SNX3: variants seen among roughly 807,000 people sequenced by gnomAD.
SNX3 encodes sorting nexin 3, also known as sorting nexin-3.
In SNX3, 5 loss-of-function variants were observed where a neutral mutation model predicts 17.7. The ratio of observed to expected loss-of-function variants is 0.28; its 90% CI spans 0.15 to 0.59. SNX3 has a LOEUF of 0.59. Among genes scored for constraint, SNX3 ranks in the 20% least tolerant of loss-of-function variants. The pLI, the probability that SNX3 is intolerant of heterozygous loss-of-function variation, is 0.88. For missense variants in SNX3, 132 were observed against 206.8 expected, an observed-to-expected ratio of 0.64 and a Z score of 2.22; for synonymous variants, 91 against 76.5, an observed-to-expected ratio of 1.19 and a Z score of -0.99.
rs553581974 is a variant in SNX3 at position 108,238,343 on chromosome 6, G to A, written c.163-15298C>T. Among the ~76,000 whole-genome samples, 5 of 152,254 alleles carry A rather than the reference G, an allele frequency of 3.3e-5. No individual in the cohort carries two copies. The South Asian group carries it at 1.0e-3, about 32-fold the overall frequency. On this transcript the variant is annotated intron_variant, in intron 1 of 3. Transcript: ENST00000230085. ...CCACTGGGGAGGTTTCTGTAAGAGA[G>A]TACATAATCTTTGGAGTACATTGTG...
Position 108,252,096 on chromosome 6 carries a change from A to T in SNX3, c.162+8664T>A, listed in dbSNP as rs1171053082. On this transcript the variant is annotated intron_variant, in intron 1 of 3. Coordinates refer to ENST00000230085, the MANE Select transcript of SNX3 (RefSeq NM_003795.6). ...AAATAAATAAATAAAACAAACAAAC[A>T]AACAAAAAAATGAAGTAGAACTTTG... The T allele has an allele frequency of 2.8e-5, 4 of 143,834 alleles. No individual in the cohort carries two copies. In the East Asian group the frequency reaches 8.0e-4, roughly 29 times the overall value. 8.9% of individuals were successfully genotyped at this position (143,834 alleles called of 1,614,324 possible).
intron 1 of SNX3, among the ~76,000 whole-genome samples, chr6:108,240,398 T>C (rs912274650): frequency 1.2e-4 from 18 of 152,154 alleles, no homozygotes; most frequent in African/African-American, 4.3e-4. Context: ...TTTGTATTTT[T>C]AGTAGATATG....
chr6:108,217,710 C>T (rs1365875171), intron 2 of SNX3, among the ~76,000 whole-genome samples: 1 of 149,118 alleles, frequency 6.7e-6, no homozygotes, highest in African/African-American at 2.5e-5. Flanking sequence ...GGGACTGCAC[C>T]ACGGTACTCC....
chr6:108,253,843 C>T lies in SNX3; in HGVS notation c.162+6917G>A, dbSNP rs546319. 7.2e-4 allele frequency among the ~76,000 whole-genome samples: 110 copies of T among 152,134 alleles called. 1 individual carries two copies. The highest frequency in any genetic ancestry group is 5.4e-3 in the South Asian group (26 of 4,810). The stretch of plus-strand genomic sequence containing the variant: ...GGGATGCTTTTTAAACCACCACTGC[C>T]GGCCGGGCTTGGTGGCTCACGCCTG... On this transcript the variant is annotated intron_variant, in intron 1 of 3. Transcript: ENST00000230085.
chr6:108,255,894 C>T (rs1333977066), intron 1 of SNX3, among the ~76,000 whole-genome samples: 2 of 152,066 alleles, frequency 1.3e-5, no homozygotes, highest in Non-Finnish European at 2.9e-5. Context: ...TATCAGCCAA[C>T]GTTATTATTC....
At chr6:108,241,412 T>C (rs116496689) in intron 1 of SNX3, among the ~76,000 whole-genome samples, 7,945 of 151,932 alleles carry the variant, frequency 0.052, 289 homozygotes, top group South Asian at 0.19. Flanking sequence ...TCCTAGTACT[T>C]TGGGAGGCCA....
chr6:108,212,421 C>A (rs1214790155), intron 3 of SNX3, among the ~76,000 whole-genome samples, 167 bp from the exon 4 acceptor site: 1 of 152,066 alleles, frequency 6.6e-6, no homozygotes, highest in Non-Finnish European at 1.5e-5. Flanking sequence ...TCATGGCAAC[C>A]TCCGTCTCCT....
In SNX3 at chr6:108,260,787, G is replaced by A. The variant is rs748385231; in HGVS notation, c.135C>T (p.Arg45=). The A allele has an allele frequency of 3.7e-6, 6 of 1,613,936 alleles. No individual in the cohort carries two copies. The highest frequency in any genetic ancestry group is 1.6e-4 in the Middle Eastern group (1 of 6,062). Residue 45 remains arginine (R), a synonymous_variant, in exon 1 of 4, where the codon CGC becomes CGT. Transcript: ENST00000230085. ...TGACCCTGATTTCGTAAGTGGTGAAGCGGCCCCGGCCGACCCCCACCGTTT... is the reference window on the plus strand; with the variant it reads ...TGACCCTGATTTCGTAAGTGGTGAAACGGCCCCGGCCGACCCCCACCGTTT... ...NPQTVGVGRG[R]FTTYEIRVKT... is the part of the protein sequence containing the mutation.
intron 1 of SNX3, among the ~76,000 whole-genome samples, chr6:108,250,266 T>C (rs1035876981): frequency 6.6e-6 from 1 of 152,178 alleles, no homozygotes; most frequent in Admixed American, 6.6e-5. Flanking sequence ...ATTTCAATGT[T>C]ACATGAGCAA....
At chr6:108,226,046 C>CAAAAAAA (rs35559458) in intron 1 of SNX3, among the ~76,000 whole-genome samples, 1 of 63,230 alleles carries the variant, frequency 1.6e-5, no homozygotes, top group South Asian at 5.5e-4. Flanking sequence ...CCCTCTCTCT[C>CAAAAAAA]AAAAAAAAAA....
chr6:108,260,846 T>TG lies in SNX3; in HGVS notation c.75dup (p.Ser26GlnfsTer43). 6.2e-7 allele frequency: 1 copy of TG among 1,613,496 alleles called. No individual in the cohort carries two copies. Among genetic ancestry groups the TG allele is most frequent in the Non-Finnish European group, 8.5e-7 (1 of 1,179,672 alleles). ...CTCACATCGATCTCGAGGAAGTTGC[T>TG]GGGGGGTCCGTAGGCGTCATTCAGG... On this transcript the variant is annotated frameshift_variant, in exon 1 of 4. Coordinates refer to ENST00000230085, the MANE Select transcript of SNX3 (RefSeq NM_003795.6). LOFTEE classifies it high-confidence loss of function.
intron 1 of SNX3, among the ~76,000 whole-genome samples, chr6:108,241,601 T>C (rs1282690898): frequency 1.3e-5 from 2 of 151,482 alleles, no homozygotes; most frequent in African/African-American, 4.9e-5. Context: ...GGGTGACCCT[T>C]AGAAAACCTG....
chr6:108,244,714 C>G (rs921051884), intron 1 of SNX3, among the ~76,000 whole-genome samples: 1 of 135,260 alleles, frequency 7.4e-6, no homozygotes, highest in Non-Finnish European at 1.5e-5. Context: ...ATGATCTCAG[C>G]TCACTGCAAC....
chr6:108,260,578 T>C (rs1776160028), intron 1 of SNX3, among the ~76,000 whole-genome samples, 182 bp downstream of exon 1: 1 of 152,116 alleles, frequency 6.6e-6, no homozygotes, highest in Admixed American at 6.5e-5. Context: ...GGGCTCGCTC[T>C]GCAGCCCCCC....
At chr6:108,229,255 A>C (rs1431079950) in intron 1 of SNX3, among the ~76,000 whole-genome samples, 16 of 121,730 alleles carry the variant, frequency 1.3e-4, no homozygotes, top group Non-Finnish European at 2.6e-4. Context: ...GCGAGACTCC[A>C]CCTCAAAAAA....
chr6:108,228,346 C>T (rs1775034646), intron 1 of SNX3, among the ~76,000 whole-genome samples: 1 of 151,938 alleles, frequency 6.6e-6, no homozygotes, highest in African/African-American at 2.4e-5. Context: ...GTCAGGAGTT[C>T]GCGACCAGCC....
chr6:108,244,061 G>A (rs1461767165), intron 1 of SNX3, among the ~76,000 whole-genome samples: 2 of 152,304 alleles, frequency 1.3e-5, no homozygotes, highest in Non-Finnish European at 2.9e-5. Context: ...ACTAAGAACT[G>A]AGAGTTCTTG....
At chr6:108,212,736 C>T (rs1774445897) in intron 3 of SNX3, among the ~76,000 whole-genome samples, 1 of 152,166 alleles carries the variant, frequency 6.6e-6, no homozygotes, top group African/African-American at 2.4e-5. Flanking sequence ...TGGTTCACAA[C>T]TCTAATTAAG....
chr6:108,244,860 G>A (rs752210871), intron 1 of SNX3, among the ~76,000 whole-genome samples: 7 of 151,478 alleles, frequency 4.6e-5, no homozygotes, highest in Non-Finnish European at 1.0e-4. Flanking sequence ...GTCTGGTCTC[G>A]AACTCCTGAC....
Sources: allele counts gnomAD v4.1 joint callset (sites outside exome capture counted in the v4.1 genomes callset), GRCh38; gene constraint gnomAD v4.1.1; transcripts MANE v1.5; gene names NCBI Gene and HGNC (gene_info 2026-07-23, HGNC 2026-07-21).